Variants in CLCNKB observed in about 807,000 individuals in gnomAD.
CLCNKB encodes the protein chloride channel protein ClC-Kb.
Under a neutral mutation model 83.8 loss-of-function variants are expected in CLCNKB, and 74 were observed. The ratio of observed to expected loss-of-function variants is 0.88; its 90% CI spans 0.73 to 1.07. CLCNKB has a LOEUF of 1.07. Ranked by LOEUF, CLCNKB falls within the 50% of genes least tolerant of loss-of-function variation. The pLI, the probability that CLCNKB is intolerant of heterozygous loss-of-function variation, is 0.00. For synonymous variants in CLCNKB, 358 were observed against 356.6 expected, an observed-to-expected ratio of 1.00 and a Z score of -0.04; for missense variants, 798 against 893.6, an observed-to-expected ratio of 0.89 and a Z score of 1.36.
chr1:16,053,590 G>A (rs1215051010), intron 15 of CLCNKB, 49 bp from the exon 16 acceptor site: 1 of 1,613,490 alleles, frequency 6.2e-7, no homozygotes, highest in Middle Eastern at 1.6e-4. Flanking sequence ...GCCAGCCTGG[G>A]TCTCACATCC....
Position 16,050,510 on chromosome 1 carries a change from C to G in CLCNKB, c.969-6C>G. 1.9e-6 allele frequency: 3 copies of G among 1,614,052 alleles called. No homozygotes were observed. The highest frequency in any genetic ancestry group is 2.5e-6 in the Non-Finnish European group (3 of 1,179,974). On this transcript the variant is annotated splice_polypyrimidine_tract_variant and splice_region_variant and intron_variant, in intron 10 of 19. Transcript: ENST00000375679. ...GCCAGCCCTAGAGCCCACCCATCCC[C>G]CACAGCAAGCCTGTGTACTCCGCTC... is the stretch of plus-strand genomic sequence containing the variant.
rs1246023849 is a variant in CLCNKB, at chr1:16,050,022, A to ATGCCATTATTTTT, written c.968+107_968+108insGCCATTATTTTTT. 0.057 allele frequency: 22,030 copies of ATGCCATTATTTTT among 386,146 alleles called. 6,622 individuals are homozygous for ATGCCATTATTTTT. The highest frequency in any genetic ancestry group is 0.11 in the Admixed American group (2,110 of 18,556). 23.9% of individuals were successfully genotyped at this position (386,146 alleles called of 1,614,324 possible). ...CCCGCCACCTGAGCCCCTAAAGCCC[A>ATGCCATTATTTTT]TCCTAGCCCATGCCCCACATGTGGA... On this transcript the variant is annotated intron_variant, in intron 10 of 19. Transcript: ENST00000375679.
chr1:16,044,383 AATCTTTCCTCTT>A, intron 1 of CLCNKB, 91 bp from the exon 2 acceptor site: 1 of 851,890 alleles, frequency 1.2e-6, no homozygotes, highest in Non-Finnish European at 1.9e-6. Flanking sequence ...ACACACGCAC[AATCTTTCCTCTT>A]CATGGGTGGG....
Position 16,046,662 on chromosome 1 carries a change from A to C in CLCNKB, c.357A>C (p.Gly119=). The C allele has an allele frequency of 6.2e-7, 1 of 1,613,674 alleles. No homozygotes were observed. ...CTCAGAGCATCACACCCTCCTCTGGAGGTGAGTCCACAGTCGCTACGCCAG... is the reference window on the plus strand; with the variant it reads ...CTCAGAGCATCACACCCTCCTCTGGCGGTGAGTCCACAGTCGCTACGCCAG... The part of the protein sequence containing the change: ...GFSQSITPSS[G]GSGIPEVKTM... Residue 119 remains glycine, a splice_region_variant and synonymous_variant, in exon 4 of 20, where the codon GGA becomes GGC. Coordinates refer to ENST00000375679, the MANE Select transcript of CLCNKB (RefSeq NM_000085.5).
At position 16,055,747 on chromosome 1, in the gene CLCNKB, T is replaced by C; in HGVS notation, c.1918T>C (p.Ser640Pro). 6.2e-7 allele frequency: 1 copy of C among 1,613,794 alleles called. No homozygotes were observed. The highest frequency in any genetic ancestry group is 1.7e-5 in the Admixed American group (1 of 60,024). Residue 640 changes from serine to proline, a missense_variant, in exon 18 of 20, where the codon TCC becomes CCC. By Grantham distance (74) the Ser-to-Pro change is moderately conservative. Coordinates refer to ENST00000375679, the MANE Select transcript of CLCNKB (RefSeq NM_000085.5). Reference sequence around the variant, plus strand: ...GACCCTGAAGCTGTCCCCAGAGACTTCCCTGCATGAGGTAACGGGGAGAAC... The same window carrying C: ...GACCCTGAAGCTGTCCCCAGAGACTCCCCTGCATGAGGTAACGGGGAGAAC... ...PVTLKLSPET[S>P]LHEAHNLFEL...
rs200233851 is a variant in CLCNKB at position 16,056,840 on chromosome 1, C to T, written c.2017-29C>T. 385 of 1,038,044 alleles carry T rather than the reference C, an allele frequency of 3.7e-4. 10 individuals are homozygous for T. The highest frequency in any genetic ancestry group is 2.1e-4 in the East Asian group (8 of 38,842). The allele number at this position is 1,038,044 out of a possible 1,614,324, so 64.3% of individuals were successfully genotyped here. On this transcript the variant is annotated intron_variant, in intron 19 of 19. Transcript: ENST00000375679. ...CCTCACAACCTCCTCTACATCCCCC[C>T]GCACCTCCACCCCCTTTCTCTGTTC...
In CLCNKB at chr1:16,055,681, C is replaced by A; in HGVS notation, c.1852C>A (p.Leu618Ile). 6.2e-7 allele frequency: 1 copy of A among 1,613,854 alleles called. No individual in the cohort carries two copies. The highest frequency in any genetic ancestry group is 8.5e-7 in the Non-Finnish European group (1 of 1,180,016). ...AACCCTTCCCCACCCCCAGCAGTGT[C>A]TCCAGGACATCTTGGCTGCAGGCTG... ...PSWAPGHQQC[L>I]QDILAAGCPT... The change falls in exon 18 of 20, where the codon CTC becomes ATC. Residue 618 changes from leucine (L) to isoleucine (I), a missense_variant. By Grantham distance (5) the Leu-to-Ile change is conservative. Coordinates refer to ENST00000375679, the MANE Select transcript of CLCNKB (RefSeq NM_000085.5).
chr1:16,051,582 G>C (rs763978492), intron 13 of CLCNKB, 35 bp downstream of exon 13: 2 of 1,612,756 alleles, frequency 1.2e-6, no homozygotes, highest in South Asian at 2.2e-5. Flanking sequence ...GAGAGTTTCG[G>C]GGTTCTTGGG....
chr1:16,045,301 T>C (rs1286780924), intron 2 of CLCNKB, among the ~76,000 whole-genome samples: 1 of 152,142 alleles, frequency 6.6e-6, no homozygotes, highest in Non-Finnish European at 1.5e-5. Context: ...CAGGCAGGGA[T>C]GCGGAGGGTC....
At chr1:16,054,262 A>G (rs2023379280) in intron 16 of CLCNKB, among the ~76,000 whole-genome samples, 1 of 152,172 alleles carries the variant, frequency 6.6e-6, no homozygotes, top group South Asian at 2.1e-4. Context: ...CTGCATTTAG[A>G]AGATAAGGCG....
Position 16,044,496 on chromosome 1 carries a change from G to A in CLCNKB, c.4G>A (p.Glu2Lys). The change falls in exon 2 of 20, where the codon GAG becomes AAG. Residue 2 changes from glutamate (E) to lysine (K), a missense_variant. Glu to Lys is a moderately conservative substitution (Grantham distance 56, BLOSUM62 1). Transcript: ENST00000375679. M[E>K]EFVGLREGSS... ...TATCCGCTTCTCCAGGGGCCTGATG[G>A]AGGAGTTTGTGGGGCTGCGTGAAGG... The A allele has an allele frequency of 6.2e-7, 1 of 1,601,550 alleles. No individual in the cohort carries two copies. Among genetic ancestry groups the A allele is most frequent in the Non-Finnish European group, 8.5e-7 (1 of 1,174,998 alleles).
At chr1:16,051,636 G>A (rs1164410734) in intron 13 of CLCNKB, 74 bp from the exon 14 acceptor site, 3 of 1,605,330 alleles carry the variant, frequency 1.9e-6, no homozygotes, top group Non-Finnish European at 8.5e-7. Flanking sequence ...GTTGTACTGA[G>A]GACGGTCCTC....
At chr1:16,056,230 G>C (rs1355613214) in intron 18 of CLCNKB, among the ~76,000 whole-genome samples, 192 bp from the exon 19 acceptor site, 14 of 152,078 alleles carry the variant, frequency 9.2e-5, no homozygotes, top group Admixed American at 7.9e-4. Flanking sequence ...GTTTACCTGC[G>C]GCCCCGCCCA....
chr1:16,045,566 G>A lies in CLCNKB; in HGVS notation c.109G>A (p.Glu37Lys). Reference sequence around the variant, plus strand: ...CCCATGCCCTGCCCCAGGTGGCCTGGAGTGGCTGAAGCAGAAGCTCTTCCG... The same window carrying A: ...CCCATGCCCTGCCCCAGGTGGCCTGAAGTGGCTGAAGCAGAAGCTCTTCCG... ...RIRRGIRGGLEWLKQKLFRLG... is the reference protein window; with the variant it reads ...RIRRGIRGGLKWLKQKLFRLG... Residue 37 changes from glutamate to lysine, a missense_variant, in exon 3 of 20, where the codon GAG (glutamate) becomes AAG (lysine). Glu to Lys is a moderately conservative substitution (Grantham distance 56). Coordinates refer to ENST00000375679, the MANE Select transcript of CLCNKB (RefSeq NM_000085.5). The A allele has an allele frequency of 6.2e-7, 1 of 1,613,716 alleles. No individual in the cohort carries two copies. The highest frequency in any genetic ancestry group is 1.3e-5 in the African/African-American group (1 of 75,018).
intron 1 of CLCNKB, 101 bp from the exon 2 acceptor site, chr1:16,044,384 AT>A: frequency 2.9e-6 from 2 of 681,920 alleles, no homozygotes; most frequent in Non-Finnish European, 4.8e-6. Context: ...CACACGCACA[AT>A]CTTTCCTCTT....
rs555084108 is a variant in CLCNKB, at chr1:16,056,782, C to T, written c.2017-87C>T. ...CAGGCTCTACTATTTACCCAGAAACCACCCTTAGGGGAACCAAAAATGCTG... is the reference window on the plus strand; with the variant it reads ...CAGGCTCTACTATTTACCCAGAAACTACCCTTAGGGGAACCAAAAATGCTG... On this transcript the variant is annotated intron_variant, in intron 19 of 19. Transcript: ENST00000375679. The T allele has an allele frequency of 3.5e-4, 378 of 1,071,602 alleles. No individual in the cohort carries two copies. In the African/African-American group the frequency reaches 5.3e-3, roughly 15 times the overall value. The allele number at this position is 1,071,602 out of a possible 1,614,324, so 66.4% of individuals were successfully genotyped here. A position where few individuals can be genotyped will look rare whatever the true frequency, so the allele number is the denominator to read the frequency against.
At chr1:16,048,972 A>C in intron 7 of CLCNKB, 148 bp from the exon 8 acceptor site, 2 of 1,551,506 alleles carry the variant, frequency 1.3e-6, no homozygotes, top group Non-Finnish European at 1.7e-6. Flanking sequence ...CCCAGGGCGC[A>C]TGCCCTGCCC....
At chr1:16,046,931 G>C (rs1570330327) in intron 4 of CLCNKB, among the ~76,000 whole-genome samples, 2 of 152,176 alleles carry the variant, frequency 1.3e-5, no homozygotes, top group South Asian at 2.1e-4. Context: ...TGCCAGGGAG[G>C]GGCCAGTGGA....
chr1:16,047,880 C>T lies in CLCNKB; in HGVS notation c.359-25C>T, dbSNP rs1303029129. The T allele has an allele frequency of 5.0e-6, 8 of 1,612,580 alleles. No individual in the cohort carries two copies. In the African/African-American group the frequency reaches 9.4e-5, roughly 19 times the overall value. ...TTTTTAACCTAGAGATTGTCCCCCT[C>T]CTGGCCCTGCCCACCCCCGCCAAGG... On this transcript the variant is annotated intron_variant, in intron 4 of 19. Coordinates refer to ENST00000375679, the MANE Select transcript of CLCNKB (RefSeq NM_000085.5).
Sources: gnomAD v4.1 joint callset for allele counts (sites outside exome capture counted in the v4.1 genomes callset) on GRCh38, gnomAD v4.1.1 for gene constraint, MANE v1.5 for transcripts, NCBI Gene and HGNC (gene_info 2026-07-23, HGNC 2026-07-21) for gene names.